Variants in PARD3B observed in about 807,000 individuals in gnomAD.
PARD3B encodes par-3 family cell polarity regulator beta, also known as partitioning defective 3 homolog B.
PARD3B carries 103 observed loss-of-function variants against 130.2 expected under a neutral mutation model. The observed-to-expected ratio is 0.79, with a 90% CI of 0.67 to 0.93. The LOEUF is 0.93. Ranked by LOEUF, PARD3B falls within the 40% of genes least tolerant of loss-of-function variation. PARD3B has a pLI of 0.00. For synonymous variants in PARD3B, 583 were observed against 553.2 expected (o/e 1.05, Z -0.76); for missense variants, 1,609 against 1,499.2 (o/e 1.07, Z -1.21).
intron 18 of PARD3B, among the ~76,000 whole-genome samples, chr2:205,307,164 C>G (rs370469408): frequency 1.3e-5 from 2 of 152,152 alleles, no homozygotes; most frequent in African/African-American, 4.8e-5. Flanking sequence ...TTGTGAAAAG[C>G]TAAGTGTTTG....
At chr2:205,557,315 A>C (rs1288410382) in intron 22 of PARD3B, among the ~76,000 whole-genome samples, 2 of 152,086 alleles carry the variant, frequency 1.3e-5, no homozygotes, top group African/African-American at 4.8e-5. Context: ...TGACTATCCC[A>C]CAGTGGCCAT....
intron 21 of PARD3B, among the ~76,000 whole-genome samples, chr2:205,519,662 TGA>T (rs2050950737): frequency 6.6e-6 from 1 of 152,242 alleles, no homozygotes; most frequent in Non-Finnish European, 1.5e-5. Flanking sequence ...TCTGGCCATT[TGA>T]GTTACTGGAG....
At chr2:205,250,852 C>T (rs1256116395) in intron 16 of PARD3B, among the ~76,000 whole-genome samples, 1 of 152,100 alleles carries the variant, frequency 6.6e-6, no homozygotes, top group East Asian at 1.9e-4. Flanking sequence ...TCGCTTGAAC[C>T]CACAAGGTGG....
At chr2:204,867,978 C>G (rs1406765114) in intron 2 of PARD3B, among the ~76,000 whole-genome samples, 1 of 152,118 alleles carries the variant, frequency 6.6e-6, no homozygotes, top group African/African-American at 2.4e-5. Flanking sequence ...TCCTTATGGA[C>G]TAGATCTCAG....
chr2:205,375,660 G>C (rs965552669), intron 18 of PARD3B, among the ~76,000 whole-genome samples: 10 of 151,898 alleles, frequency 6.6e-5, no homozygotes, highest in Non-Finnish European at 1.2e-4. Flanking sequence ...ATGGAATTGA[G>C]AGAGAGAGAG....
intron 19 of PARD3B, among the ~76,000 whole-genome samples, chr2:205,415,268 A>G (rs908155000): frequency 6.6e-6 from 1 of 152,212 alleles, no homozygotes; most frequent in African/African-American, 2.4e-5. Context: ...AAAACTTGGC[A>G]TAATAATTTT....
rs1575878981 is a variant in PARD3B at position 205,128,750 on chromosome 2, A to C, written c.1434+3013A>C. ...CTATACTCTAGATATATTATGGGGT[A>C]GATAGATTTATGCAGCCTTGCCTGG... On this transcript the variant is annotated intron_variant, in intron 10 of 22. Transcript: ENST00000406610. This position sits in a 1 kb window ranked among gnomAD's most constrained non-coding sequence, Gnocchi z 4.5. Among the ~76,000 whole-genome samples the C allele has an allele frequency of 6.6e-6, 1 of 152,200 alleles. No homozygotes were observed. The highest frequency in any genetic ancestry group is 6.5e-5 in the Admixed American group (1 of 15,290).
chr2:204,629,359 AT>A (rs1411206085), intron 1 of PARD3B, among the ~76,000 whole-genome samples: 1 of 152,004 alleles, frequency 6.6e-6, no homozygotes, highest in Non-Finnish European at 1.5e-5. Flanking sequence ...GCTTTTCTGT[AT>A]TTGTGTGAAC....
intron 2 of PARD3B, among the ~76,000 whole-genome samples, chr2:204,688,029 C>G (rs1200833504): frequency 6.6e-6 from 1 of 152,124 alleles, no homozygotes; most frequent in African/African-American, 2.4e-5. Context: ...AATCCACTTA[C>G]TACACACAGA....
intron 2 of PARD3B, among the ~76,000 whole-genome samples, chr2:204,696,227 C>G (rs1245721663): frequency 6.6e-6 from 1 of 151,870 alleles, no homozygotes; most frequent in Non-Finnish European, 1.5e-5. Flanking sequence ...AACAGCTGAC[C>G]TTCCGTTAAA....
chr2:205,343,269 A>G (rs1439604301), intron 18 of PARD3B, among the ~76,000 whole-genome samples: 1 of 152,282 alleles, frequency 6.6e-6, no homozygotes. Context: ...GCTCAGCCTT[A>G]TCTCTGGCAC....
intron 2 of PARD3B, among the ~76,000 whole-genome samples, chr2:204,847,754 A>G (rs917884671): frequency 6.6e-6 from 1 of 152,100 alleles, no homozygotes; most frequent in Non-Finnish European, 1.5e-5. Context: ...GCATAAGTGT[A>G]GTGTTGTTGG....
intron 18 of PARD3B, among the ~76,000 whole-genome samples, chr2:205,331,286 C>CAT (rs1202570388): frequency 2.0e-5 from 3 of 151,688 alleles, no homozygotes; most frequent in African/African-American, 7.3e-5. Flanking sequence ...CACACACACA[C>CAT]ACACGTACAC....
chr2:204,868,439 T>A (rs1482896908), intron 2 of PARD3B, among the ~76,000 whole-genome samples: 1 of 152,130 alleles, frequency 6.6e-6, no homozygotes, highest in African/African-American at 2.4e-5. Flanking sequence ...TAGAAGGATG[T>A]TGTACATAAT....
In PARD3B at chr2:205,569,567, T is replaced by A. The variant is rs2053487404; in HGVS notation, c.3260+16164T>A. Among the ~76,000 whole-genome samples, 3 of 152,224 alleles carry A rather than the reference T, an allele frequency of 2.0e-5. 1 individual carries two copies. The South Asian group carries it at 6.2e-4, about 32-fold the overall frequency. On this transcript the variant is annotated intron_variant, in intron 22 of 22. Transcript: ENST00000406610. ...ATATCAACTGACTGTGATATTGTTA[T>A]AACTAAAAAACACATGGTGGTCTAG...
intron 2 of PARD3B, among the ~76,000 whole-genome samples, chr2:204,902,733 T>C (rs2046913192): frequency 6.6e-6 from 1 of 151,948 alleles, no homozygotes; most frequent in Non-Finnish European, 1.5e-5. Flanking sequence ...CTCCTAAGCA[T>C]TTCTTTAAAG....
intron 2 of PARD3B, among the ~76,000 whole-genome samples, chr2:204,701,805 T>A (rs1214442902): frequency 6.6e-6 from 1 of 152,144 alleles, no homozygotes; most frequent in Non-Finnish European, 1.5e-5. Context: ...GTATATTGCA[T>A]AATGCTGAGA....
intron 2 of PARD3B, among the ~76,000 whole-genome samples, chr2:204,784,633 G>T (rs2041946678): frequency 6.6e-6 from 1 of 152,146 alleles, no homozygotes; most frequent in South Asian, 2.1e-4. Flanking sequence ...TTGATGTTGG[G>T]TACCAAGTTT....
In PARD3B at chr2:205,473,953, C is replaced by T. The variant is rs371843058; in HGVS notation, c.3045-25943C>T. 3.3e-5 allele frequency among the ~76,000 whole-genome samples: 5 copies of T among 151,440 alleles called. No individual in the cohort carries two copies. The highest frequency in any genetic ancestry group is 4.2e-4 in the South Asian group (2 of 4,806). Reference sequence around the variant, plus strand: ...TCTTGCCATGTGAAATTTAGAGTAACTCATATTGGTAGGTTTCATTATGGG... The same window carrying T: ...TCTTGCCATGTGAAATTTAGAGTAATTCATATTGGTAGGTTTCATTATGGG... On this transcript the variant is annotated intron_variant, in intron 20 of 22. Transcript: ENST00000406610. The surrounding 1 kb of genome is among the most constrained non-coding windows in gnomAD (Gnocchi z 4.9).
Sources: allele counts gnomAD v4.1 joint callset (sites outside exome capture counted in the v4.1 genomes callset), GRCh38; gene constraint gnomAD v4.1.1; non-coding constraint Gnocchi (gnomAD v3.1); transcripts MANE v1.5; gene names NCBI Gene and HGNC (gene_info 2026-07-23, HGNC 2026-07-21).